SBNO1: variants seen among roughly 807,000 people sequenced by gnomAD.
SBNO1 encodes protein strawberry notch homolog 1.
In SBNO1, 23 loss-of-function variants were observed where a neutral mutation model predicts 173.6. The observed-to-expected ratio is 0.13, with a 90% CI of 0.10 to 0.19. The LOEUF (loss-of-function observed/expected upper bound fraction) is 0.19, where lower values mean the gene tolerates loss of function less well. SBNO1 is among the 10% of genes least tolerant of loss of function. SBNO1 has a pLI of 1.00. For synonymous variants in SBNO1, 632 were observed against 571.5 expected (o/e 1.11, Z -1.51); for missense variants, 1,238 against 1,671.2 (o/e 0.74, Z 4.52).
chr12:123,311,223 C>T, intron 24 of SBNO1, 94 bp from the exon 25 acceptor site: 1 of 892,776 alleles, frequency 1.1e-6, no homozygotes, highest in East Asian at 2.5e-5. Context: ...TAGTATCATG[C>T]CATTTTAAAA....
intron 30 of SBNO1, among the ~76,000 whole-genome samples, chr12:123,301,411 A>G (rs2048786074): frequency 6.6e-6 from 1 of 152,204 alleles, no homozygotes; most frequent in Non-Finnish European, 1.5e-5. Context: ...AAGCCAACTT[A>G]TCTACCTGCA....
intron 1 of SBNO1, among the ~76,000 whole-genome samples, chr12:123,356,867 A>G (rs964648415): frequency 6.6e-6 from 1 of 152,248 alleles, no homozygotes; most frequent in African/African-American, 2.4e-5. Context: ...GTGCACGGAT[A>G]CTATCACTTA....
intron 25 of SBNO1, among the ~76,000 whole-genome samples, 187 bp downstream of exon 25, chr12:123,310,868 A>G (rs901285752): frequency 1.2e-4 from 19 of 152,296 alleles, no homozygotes; most frequent in Non-Finnish European, 2.4e-4. Context: ...AGAGCTGATC[A>G]TATCAGCAGC....
In SBNO1 at chr12:123,317,133, C is replaced by T. The variant is rs1869384201; in HGVS notation, c.2935+88G>A. 3.6e-6 allele frequency: 5 copies of T among 1,393,644 alleles called. No homozygotes were observed. In the South Asian group the frequency reaches 3.6e-5, roughly 10 times the overall value. 86.3% of individuals were successfully genotyped at this position (1,393,644 alleles called of 1,614,324 possible). A position where few individuals can be genotyped will look rare whatever the true frequency, so the allele number is the denominator to read the frequency against. ...AATTACAGGCGTGAGCCTCTGTGCC[C>T]GGCCTAAACCTAGGTTTTGGTATGC... On this transcript the variant is annotated intron_variant, in intron 21 of 31. Transcript: ENST00000602398.
chr12:123,292,059 G>A lies in SBNO1; in HGVS notation c.*3849C>T, dbSNP rs2048520435. On this transcript the variant is annotated 3_prime_UTR_variant, in exon 32 of 32. Coordinates refer to ENST00000602398, the MANE Select transcript of SBNO1 (RefSeq NM_001167856.3). ...TTTGCAGTTTTTGCTCTCAGCTGTA[G>A]CCCTGACATGAAACGCTTGCTACGT... The A allele has an allele frequency of 6.7e-6, 1 of 148,682 alleles. No homozygotes were observed. Among genetic ancestry groups the A allele is most frequent in the African/African-American group, 2.5e-5 (1 of 40,324 alleles). The allele number at this position is 148,682 out of a possible 1,614,324, so 9.2% of individuals were successfully genotyped here. A position where few individuals can be genotyped will look rare whatever the true frequency, so the allele number is the denominator to read the frequency against.
chr12:123,355,590 C>T (rs1441718980), intron 1 of SBNO1, among the ~76,000 whole-genome samples: 2 of 151,736 alleles, frequency 1.3e-5, no homozygotes, highest in African/African-American at 4.8e-5. Flanking sequence ...GGCGACAGAC[C>T]GAGACTCCAT....
intron 1 of SBNO1, among the ~76,000 whole-genome samples, chr12:123,359,779 A>G (rs1193020900): frequency 6.6e-6 from 1 of 152,170 alleles, no homozygotes; most frequent in Non-Finnish European, 1.5e-5. Context: ...CCACTTAAGG[A>G]AATTTCAGTG....
intron 1 of SBNO1, among the ~76,000 whole-genome samples, chr12:123,357,877 G>C (rs1874645729): frequency 6.6e-6 from 1 of 152,138 alleles, no homozygotes; most frequent in South Asian, 2.1e-4. Flanking sequence ...TATTTACAAA[G>C]GAATGTGCAA....
chr12:123,317,487 T>G, intron 20 of SBNO1, 131 bp from the exon 21 acceptor site: 1 of 782,590 alleles, frequency 1.3e-6, no homozygotes, highest in Non-Finnish European at 2.0e-6. Context: ...CAGTTTTATT[T>G]CCCAGTCTCC....
At chr12:123,309,619 G>A (rs768057274) in intron 26 of SBNO1, 36 bp from the exon 27 acceptor site, 2 of 1,601,158 alleles carry the variant, frequency 1.2e-6, no homozygotes, top group Non-Finnish European at 1.7e-6. Context: ...AATGTAAAAA[G>A]AACATTTTTA....
intron 24 of SBNO1, 115 bp from the exon 25 acceptor site, chr12:123,311,244 A>G: frequency 1.4e-6 from 1 of 711,288 alleles, no homozygotes; most frequent in Non-Finnish European, 2.5e-6. Flanking sequence ...AAACACCTTG[A>G]TATTTATATA....
chr12:123,359,619 C>T (rs768533875), intron 1 of SBNO1, among the ~76,000 whole-genome samples: 2 of 151,722 alleles, frequency 1.3e-5, no homozygotes, highest in Admixed American at 6.6e-5. Context: ...CAATGTAAAC[C>T]GCATTTCTTA....
intron 30 of SBNO1, 74 bp downstream of exon 30, chr12:123,302,750 T>C (rs2048827362): frequency 1.1e-6 from 1 of 899,732 alleles, no homozygotes; most frequent in Non-Finnish European, 1.9e-6. Flanking sequence ...GAGGACATAC[T>C]GATAAAGAGT....
At chr12:123,314,160 G>A (rs1868977413) in intron 23 of SBNO1, among the ~76,000 whole-genome samples, 1 of 152,022 alleles carries the variant, frequency 6.6e-6, no homozygotes, top group South Asian at 2.1e-4. Flanking sequence ...ATCTTTATAT[G>A]TATTTATTTA....
chr12:123,317,922 C>A (rs770551961), intron 20 of SBNO1, among the ~76,000 whole-genome samples: 1 of 152,120 alleles, frequency 6.6e-6, no homozygotes, highest in Non-Finnish European at 1.5e-5. Context: ...ATAACTAATA[C>A]CTGTACCTAC....
intron 30 of SBNO1, among the ~76,000 whole-genome samples, chr12:123,299,691 A>C (rs530484907): frequency 2.6e-5 from 4 of 151,052 alleles, no homozygotes; most frequent in African/African-American, 4.8e-5. Context: ...CAAAAAAAAA[A>C]AAAAAAAACA....
In SBNO1 at chr12:123,296,040, A is replaced by C. The variant is rs750909298; in HGVS notation, c.4050T>G (p.Ile1350Met). The change falls in exon 32 of 32, where the codon ATT (isoleucine) becomes ATG (methionine). Residue 1350 changes from isoleucine to methionine, a missense_variant. Ile to Met is a conservative substitution (Grantham distance 10). Around this residue, in one of 14 missense-constraint regions of SBNO1, gnomAD observed 351 missense variants for 420.3 expected, o/e 0.84. Coordinates refer to ENST00000602398, the MANE Select transcript of SBNO1 (RefSeq NM_001167856.3). ...EDGQRIVGLI[I>M]PANCVSPLVN... ...CAAGAGGAGACACACAATTTGCCGGAATGATCAAACCTGTAATTAGTAACA... is the reference window on the plus strand; with the variant it reads ...CAAGAGGAGACACACAATTTGCCGGCATGATCAAACCTGTAATTAGTAACA... 6.2e-7 allele frequency: 1 copy of C among 1,612,254 alleles called. No homozygotes were observed. Among genetic ancestry groups the C allele is most frequent in the Non-Finnish European group, 8.5e-7 (1 of 1,178,254 alleles).
chr12:123,356,586 C>G (rs1005394106), intron 1 of SBNO1, among the ~76,000 whole-genome samples: 2 of 152,148 alleles, frequency 1.3e-5, no homozygotes, highest in Admixed American at 1.3e-4. Flanking sequence ...GTATTACAGG[C>G]GCGTGCCCCC....
At chr12:123,313,285 AT>A (rs1346271844) in intron 24 of SBNO1, among the ~76,000 whole-genome samples, 3 of 150,028 alleles carry the variant, frequency 2.0e-5, no homozygotes, top group Non-Finnish European at 3.0e-5. Flanking sequence ...CTTAAAAAAA[AT>A]AAAATAAATA....
Sources: gnomAD v4.1 joint callset for allele counts (sites outside exome capture counted in the v4.1 genomes callset) on GRCh38, gnomAD v4.1.1 for gene constraint, gnomAD v4.1.1 regional missense constraint, MANE v1.5 for transcripts, NCBI Gene and HGNC (gene_info 2026-07-23, HGNC 2026-07-21) for gene names.